Variants in RUBCN observed in about 807,000 individuals in gnomAD.
RUBCN encodes run domain Beclin-1-interacting and cysteine-rich domain-containing protein.
RUBCN carries 74 observed loss-of-function variants against 113.2 expected under a neutral mutation model. The ratio of observed to expected loss-of-function variants is 0.65; its 90% CI spans 0.54 to 0.79. The LOEUF is 0.79. Ranked by LOEUF, RUBCN falls within the 30% of genes least tolerant of loss-of-function variation. The probability of loss-of-function intolerance (pLI) is 0.00; values close to 1 mark genes in which losing one functional copy is unlikely to be tolerated. For synonymous variants in RUBCN, 480 were observed against 490.0 expected, an observed-to-expected ratio of 0.98 and a Z score of 0.27; for missense variants, 1,109 against 1,251.7, an observed-to-expected ratio of 0.89 and a Z score of 1.72.
chr3:197,701,247 A>C (rs1723634545), intron 6 of RUBCN, 101 bp from the exon 7 acceptor site: 1 of 1,069,212 alleles, frequency 9.4e-7, no homozygotes, highest in Admixed American at 2.8e-5. Context: ...TCACCTCAGA[A>C]ACGGCAAGCC....
rs928714517 is a variant in RUBCN at position 197,725,594 on chromosome 3, G to A, written c.66-7464C>T. Among the ~76,000 whole-genome samples, 5 of 141,350 alleles carry A rather than the reference G, an allele frequency of 3.5e-5. No homozygotes were observed. The East Asian group carries it at 1.0e-3, about 29-fold the overall frequency. 92.7% of individuals were successfully genotyped at this position (141,350 alleles called of 152,430 possible). ...GCTGAGATTGGTCTCAAACTCTTGG[G>A]CTCAAGCAACCATCTGCCTCGGCCT... On this transcript the variant is annotated intron_variant, in intron 1 of 19. Transcript: ENST00000296343.
At chr3:197,695,022 C>A (rs1170403648) in intron 9 of RUBCN, among the ~76,000 whole-genome samples, 1 of 152,232 alleles carries the variant, frequency 6.6e-6, no homozygotes, top group Non-Finnish European at 1.5e-5. Context: ...ACCTAAGGTG[C>A]CAGAGTCAAG....
At chr3:197,697,112 A>T in intron 7 of RUBCN, 63 bp from the exon 8 acceptor site, 2 of 849,084 alleles carry the variant, frequency 2.4e-6, no homozygotes, top group Admixed American at 3.5e-5. Flanking sequence ...TACATTCCCA[A>T]CTCTGGAGTT....
Position 197,670,081 on chromosome 3 carries a change from G to A in RUBCN, c.*4937C>T, listed in dbSNP as rs1371669890. On this transcript the variant is annotated 3_prime_UTR_variant, in exon 20 of 20. Coordinates refer to ENST00000296343, the MANE Select transcript of RUBCN (RefSeq NM_014687.4). ...CTTTTGTATTTTTAGTAGAGACAAG[G>A]TTTCACCATGTTGGCCAGGATGGTC... Among the ~76,000 whole-genome samples, 1 of 152,128 alleles carries A rather than the reference G, an allele frequency of 6.6e-6. No homozygotes were observed. Among genetic ancestry groups the A allele is most frequent in the African/African-American group, 2.4e-5 (1 of 41,418 alleles).
At chr3:197,676,076 G>C in intron 18 of RUBCN, 2 of 518,178 alleles carry the variant, frequency 3.9e-6, no homozygotes, top group Non-Finnish European at 5.0e-6. Flanking sequence ...TTGAGTAGAT[G>C]ACGACAATAA....
chr3:197,692,194 T>C (rs570993874), intron 11 of RUBCN, among the ~76,000 whole-genome samples: 1 of 152,104 alleles, frequency 6.6e-6, no homozygotes, highest in African/African-American at 2.4e-5. Context: ...GCCTATATAA[T>C]GAAACTTCAA....
chr3:197,729,611 T>G (rs555016076), intron 1 of RUBCN, among the ~76,000 whole-genome samples: 4 of 149,130 alleles, frequency 2.7e-5, no homozygotes, highest in African/African-American at 1.0e-4. Context: ...CAGGGTGGAG[T>G]GCAGTGGCAT....
intron 11 of RUBCN, among the ~76,000 whole-genome samples, chr3:197,692,832 G>A (rs1297398843): frequency 2.6e-5 from 4 of 152,180 alleles, no homozygotes; most frequent in African/African-American, 7.2e-5. Flanking sequence ...CTGTGCAGGC[G>A]AATGGGCTCT....
rs534972143 is a variant in RUBCN at position 197,681,186 on chromosome 3, G to A, written c.2373C>T (p.Asn791=). ...LIKIWNDPLF[N]VQDINSALYR... ...AGAGGGCACTGTTTATGTCCTGCAC[G>A]TTGAAGAGAGGATCATTCCAGATCT... The change falls in exon 16 of 20, where the codon AAC becomes AAT. Residue 791 remains asparagine (N), a synonymous_variant. Transcript: ENST00000296343. The surrounding 1 kb of genome is among the most constrained non-coding windows in gnomAD (Gnocchi z 5.5). 37 of 1,614,124 alleles carry A rather than the reference G, an allele frequency of 2.3e-5. No individual in the cohort carries two copies. In the African/African-American group the frequency reaches 2.8e-4, roughly 12 times the overall value.
chr3:197,684,670 A>T lies in RUBCN; in HGVS notation c.1787-453T>A, dbSNP rs142918125. On this transcript the variant is annotated intron_variant, in intron 11 of 19. Transcript: ENST00000296343. ...CTTATATATATATACATATATATATACACACACACATATATACACATATAT... is the reference window on the plus strand; with the variant it reads ...CTTATATATATATACATATATATATTCACACACACATATATACACATATAT... Among the ~76,000 whole-genome samples, 910 of 151,718 alleles carry T rather than the reference A, an allele frequency of 6.0e-3. 10 individuals carry two copies. Among genetic ancestry groups the T allele is most frequent in the African/African-American group, 0.021 (864 of 41,376 alleles).
intron 2 of RUBCN, among the ~76,000 whole-genome samples, chr3:197,708,022 A>G (rs1474453252): frequency 2.0e-5 from 3 of 152,208 alleles, no homozygotes; most frequent in South Asian, 2.1e-4. Context: ...CCTTGCTACA[A>G]AAGTGCAAAT....
intron 1 of RUBCN, among the ~76,000 whole-genome samples, chr3:197,720,061 G>A (rs998129610): frequency 6.6e-6 from 1 of 152,004 alleles, no homozygotes; most frequent in Non-Finnish European, 1.5e-5. Context: ...CCTGTTGACC[G>A]ATCTCTCTCC....
At chr3:197,696,844 G>A in intron 8 of RUBCN, 110 bp downstream of exon 8, 1 of 722,698 alleles carries the variant, frequency 1.4e-6, no homozygotes, top group South Asian at 1.4e-5. Flanking sequence ...GACTGTAACA[G>A]TGTGTACCCT....
chr3:197,684,273 C>G, intron 11 of RUBCN, 56 bp from the exon 12 acceptor site: 2 of 1,354,364 alleles, frequency 1.5e-6, no homozygotes, highest in Non-Finnish European at 2.1e-6. Flanking sequence ...GGTAAGGGAA[C>G]CTGGAATCTA....
chr3:197,730,568 A>ATTTT (rs1291161661), intron 1 of RUBCN, among the ~76,000 whole-genome samples: 17 of 138,630 alleles, frequency 1.2e-4, no homozygotes, highest in African/African-American at 4.6e-4. Flanking sequence ...TACACCCTAG[A>ATTTT]TTTTTTTTTT....
In RUBCN at chr3:197,742,038, C is replaced by T. The variant is rs536616313; in HGVS notation, c.-116+7231G>A. ...TCAGCCTCCTGAGTAGCTAAAATTA[C>T]GGGCGCCCGCTGCCGCCTGGCTAAT... On this transcript the variant is annotated intron_variant, in intron 1 of 20. Transcript: ENST00000273582. 1.0e-3 allele frequency among the ~76,000 whole-genome samples: 155 copies of T among 151,590 alleles called. 1 individual carries two copies. Among genetic ancestry groups the T allele is most frequent in the African/African-American group, 3.0e-3 (124 of 41,460 alleles).
chr3:197,675,438 C>T lies in RUBCN; in HGVS notation c.2724G>A (p.Lys908=), dbSNP rs1348041090. The T allele has an allele frequency of 6.2e-7, 1 of 1,613,794 alleles. No individual in the cohort carries two copies. The highest frequency in any genetic ancestry group is 1.3e-5 in the African/African-American group (1 of 74,914). Residue 908 remains lysine, a synonymous_variant, in exon 19 of 20, where the codon AAG becomes AAA. Transcript: ENST00000296343. This position sits in a 1 kb window ranked among gnomAD's most constrained non-coding sequence, Gnocchi z 4.4. ...DDIIFPFELH[K]CRTCEECKAC... ...TGCCCTCACCTTCACAGGTCCGGCACTTATGGAGCTCAAAGGGAAAGATGA... is the reference window on the plus strand; with the variant it reads ...TGCCCTCACCTTCACAGGTCCGGCATTTATGGAGCTCAAAGGGAAAGATGA...
At chr3:197,680,902 A>T (rs1721143580) in intron 16 of RUBCN, among the ~76,000 whole-genome samples, 2 of 151,366 alleles carry the variant, frequency 1.3e-5, no homozygotes, top group South Asian at 4.2e-4. Context: ...TAGTGAGGGC[A>T]TGAACGGAGA....
intron 11 of RUBCN, among the ~76,000 whole-genome samples, chr3:197,687,003 G>A (rs1721928162): frequency 6.6e-6 from 1 of 152,198 alleles, no homozygotes; most frequent in Admixed American, 6.5e-5. Context: ...CCAGACACTG[G>A]TATTGAACGA....
Sources: gnomAD v4.1 joint callset for allele counts (sites outside exome capture counted in the v4.1 genomes callset) on GRCh38, gnomAD v4.1.1 for gene constraint, Gnocchi (gnomAD v3.1) non-coding constraint, MANE v1.5 for transcripts, NCBI Gene and HGNC (gene_info 2026-07-23, HGNC 2026-07-21) for gene names.